Variants in ELK3 observed in about 807,000 individuals in gnomAD.
ELK3 encodes the protein ETS domain-containing protein Elk-3.
A neutral mutation model predicts 28.9 loss-of-function variants in ELK3; 10 were observed. That is an observed-to-expected ratio of 0.35 (90% CI 0.21 to 0.59). The LOEUF is 0.59. Among genes scored for constraint, ELK3 ranks in the 20% least tolerant of loss-of-function variants. The pLI, the probability that ELK3 is intolerant of heterozygous loss-of-function variation, is 0.82. For missense variants in ELK3, 463 were observed against 517.3 expected (o/e 0.90, Z 1.02); for synonymous variants, 272 against 243.5 (o/e 1.12, Z -1.09).
chr12:96,201,289 C>T (rs1951506029), intron 1 of ELK3, among the ~76,000 whole-genome samples: 1 of 152,138 alleles, frequency 6.6e-6, no homozygotes, highest in Non-Finnish European at 1.5e-5. Flanking sequence ...ATTAGTAAAT[C>T]TTCCCAGACC....
In ELK3 at chr12:96,223,671, C is replaced by A. The variant is rs1438652486; in HGVS notation, c.105C>A (p.Leu35=). The A allele has an allele frequency of 2.4e-5, 39 of 1,614,082 alleles. No homozygotes were observed. The highest frequency in any genetic ancestry group is 3.3e-5 in the Non-Finnish European group (39 of 1,180,034). ...CWTSNDGEFK[L]LKAEEVAKLW... ...CCTCGAACGATGGTGAATTCAAGCT[C>A]CTCAAAGCAGAAGAAGTGGCCAAGC... Residue 35 remains leucine, a synonymous_variant, in exon 2 of 5, where the codon CTC becomes CTA. Coordinates refer to ENST00000228741, the MANE Select transcript of ELK3 (RefSeq NM_005230.4).
At chr12:96,249,231 G>A (rs983072123) in intron 3 of ELK3, among the ~76,000 whole-genome samples, 1 of 152,166 alleles carries the variant, frequency 6.6e-6, no homozygotes, top group South Asian at 2.1e-4. Context: ...ATGCATTCCC[G>A]CTGCGAGAAG....
rs1365864042 is a variant in ELK3 at position 96,224,654 on chromosome 12, A to T, written c.207+881A>T. Among the ~76,000 whole-genome samples, 3 of 152,246 alleles carry T rather than the reference A, an allele frequency of 2.0e-5. No homozygotes were observed. In the East Asian group the frequency reaches 5.8e-4, roughly 29 times the overall value. On this transcript the variant is annotated intron_variant, in intron 2 of 4. Transcript: ENST00000228741. ...ATGCATTTCTGGAAAAGCAGTTTTA[A>T]TGTGCTTGCTAGGGCAAAATTATTG...
In ELK3 at chr12:96,266,061, A is replaced by T. The variant is rs144947283; in HGVS notation, c.1126-1021A>T. ...GAACTTATTTGAAATCTGTTTTCTC[A>T]TCTGTAAAATGGGGACAACAAAACT... On this transcript the variant is annotated intron_variant, in intron 4 of 4. Coordinates refer to ENST00000228741, the MANE Select transcript of ELK3 (RefSeq NM_005230.4). Among the ~76,000 whole-genome samples, 204 of 152,334 alleles carry T rather than the reference A, an allele frequency of 1.3e-3. 4 individuals are homozygous for T. The East Asian group carries it at 0.034, about 26-fold the overall frequency.
chr12:96,245,544 G>A (rs1168771191), intron 2 of ELK3, among the ~76,000 whole-genome samples: 1 of 152,100 alleles, frequency 6.6e-6, no homozygotes, highest in East Asian at 1.9e-4. Flanking sequence ...TGCTTCTAAA[G>A]CTCTTCTACT....
At chr12:96,263,805 G>A (rs947058466) in intron 4 of ELK3, among the ~76,000 whole-genome samples, 13 of 152,120 alleles carry the variant, frequency 8.5e-5, no homozygotes, top group South Asian at 4.1e-4. Context: ...GGTTGGAAAC[G>A]CAGCTGTGGG....
At chr12:96,240,317 G>A (rs1275931128) in intron 2 of ELK3, among the ~76,000 whole-genome samples, 1 of 152,144 alleles carries the variant, frequency 6.6e-6, no homozygotes, top group Admixed American at 6.5e-5. Flanking sequence ...TTTATGTTTT[G>A]TTCTGTTTTT....
intron 1 of ELK3, among the ~76,000 whole-genome samples, chr12:96,198,339 G>C (rs1408188992): frequency 6.6e-6 from 1 of 152,204 alleles, no homozygotes; most frequent in African/African-American, 2.4e-5. Context: ...TGGGGTTACA[G>C]GTGTGAACCT....
chr12:96,259,878 G>A, intron 4 of ELK3, 25 bp downstream of exon 4: 1 of 1,575,622 alleles, frequency 6.3e-7, no homozygotes, highest in Non-Finnish European at 8.6e-7. Flanking sequence ...ATGAACTTTT[G>A]AACATTAAGC....
At chr12:96,242,851 C>T (rs1210164086) in intron 2 of ELK3, among the ~76,000 whole-genome samples, 1 of 152,186 alleles carries the variant, frequency 6.6e-6, no homozygotes, top group Admixed American at 6.5e-5. Flanking sequence ...ATCCGTCTTT[C>T]CCATTGGTCT....
At chr12:96,200,177 A>G (rs1412726490) in intron 1 of ELK3, among the ~76,000 whole-genome samples, 3 of 152,078 alleles carry the variant, frequency 2.0e-5, no homozygotes, top group Non-Finnish European at 4.4e-5. Context: ...TCAAATGTTT[A>G]TGATTTATTT....
At chr12:96,251,507 G>C (rs1951906306) in intron 3 of ELK3, among the ~76,000 whole-genome samples, 1 of 152,164 alleles carries the variant, frequency 6.6e-6, no homozygotes, top group East Asian at 1.9e-4. Context: ...GACGGTGAAG[G>C]CATGTCCAAA....
At chr12:96,261,406 T>C (rs1951991665) in intron 4 of ELK3, among the ~76,000 whole-genome samples, 1 of 152,122 alleles carries the variant, frequency 6.6e-6, no homozygotes, top group Non-Finnish European at 1.5e-5. Context: ...AATGAGCAAA[T>C]GTTGTATTAG....
At chr12:96,245,055 C>T (rs1403436126) in intron 2 of ELK3, among the ~76,000 whole-genome samples, 3 of 152,108 alleles carry the variant, frequency 2.0e-5, no homozygotes, top group Non-Finnish European at 4.4e-5. Flanking sequence ...TGTTGTTTGG[C>T]CTTGACTCTA....
At chr12:96,246,750 A>G (rs1369118334) in intron 2 of ELK3, among the ~76,000 whole-genome samples, 190 bp from the exon 3 acceptor site, 1 of 152,250 alleles carries the variant, frequency 6.6e-6, no homozygotes, top group Non-Finnish European at 1.5e-5. Context: ...ACAAAGATCT[A>G]GTAATGGCAG....
intron 4 of ELK3, among the ~76,000 whole-genome samples, chr12:96,266,713 CTT>C (rs1269122403): frequency 6.6e-6 from 1 of 152,070 alleles, no homozygotes; most frequent in Admixed American, 6.6e-5. Flanking sequence ...TCAAAACACT[CTT>C]TTAATATTTA....
chr12:96,217,937 CA>C lies in ELK3; in HGVS notation c.-2-5608del, dbSNP rs34565681. Among the ~76,000 whole-genome samples the C allele has an allele frequency of 7.4e-3, 636 of 85,720 alleles. 7 individuals are homozygous for C. The highest frequency in any genetic ancestry group is 0.051 in the Middle Eastern group (8 of 158). The allele number at this position is 85,720 out of a possible 152,430, so 56.2% of individuals were successfully genotyped here. On this transcript the variant is annotated intron_variant, in intron 1 of 4. Coordinates refer to ENST00000228741, the MANE Select transcript of ELK3 (RefSeq NM_005230.4). ...TGAGGGACAAAGAGAGACGCCGTCTCAAAAAAAAAAAAAAAAAAAATCATTT... is the reference window on the plus strand; with the variant it reads ...TGAGGGACAAAGAGAGACGCCGTCTCAAAAAAAAAAAAAAAAAAATCATTT...
intron 1 of ELK3, among the ~76,000 whole-genome samples, chr12:96,209,032 C>T (rs945107006): frequency 6.6e-6 from 1 of 152,242 alleles, no homozygotes; most frequent in Non-Finnish European, 1.5e-5. Context: ...CAGCCCACAC[C>T]TGACCCCACC....
intron 3 of ELK3, among the ~76,000 whole-genome samples, chr12:96,253,145 C>T (rs929929419): frequency 6.6e-6 from 1 of 152,164 alleles, no homozygotes; most frequent in African/African-American, 2.4e-5. Flanking sequence ...CCTGTAATCC[C>T]ACTACTTGGG....
Sources: allele counts gnomAD v4.1 joint callset (sites outside exome capture counted in the v4.1 genomes callset), GRCh38; gene constraint gnomAD v4.1.1; transcripts MANE v1.5; gene names NCBI Gene and HGNC (gene_info 2026-07-23, HGNC 2026-07-21).